The following KDM4B variants were observed in gnomAD, a reference collection of about 807,000 sequenced individuals.
The protein encoded by KDM4B is lysine demethylase 4B.
KDM4B carries 32 observed loss-of-function variants against 125.2 expected under a neutral mutation model. The observed-to-expected ratio is 0.26, with a 90% CI of 0.19 to 0.34. KDM4B has a LOEUF of 0.34. KDM4B is among the 10% of genes least tolerant of loss of function. The probability of loss-of-function intolerance (pLI) is 1.00; values close to 1 mark genes in which losing one functional copy is unlikely to be tolerated. For synonymous variants in KDM4B, 721 were observed against 677.9 expected (o/e 1.06, Z -0.99); for missense variants, 1,190 against 1,577.7 (o/e 0.75, Z 4.16).
chr19:5,010,868 G>A (rs1358842299), intron 1 of KDM4B, among the ~76,000 whole-genome samples: 3 of 152,056 alleles, frequency 2.0e-5, no homozygotes, highest in Admixed American at 6.6e-5. Context: ...GGCTGGTCTC[G>A]AACTCCTGAC....
At chr19:5,011,347 T>A (rs1193857181) in intron 1 of KDM4B, among the ~76,000 whole-genome samples, 1 of 152,216 alleles carries the variant, frequency 6.6e-6, no homozygotes, top group Non-Finnish European at 1.5e-5. Context: ...CCCATGTGTA[T>A]ATGCACACCT....
chr19:5,049,367 G>A (rs1352804306), intron 6 of KDM4B, among the ~76,000 whole-genome samples: 1 of 152,104 alleles, frequency 6.6e-6, no homozygotes, highest in Non-Finnish European at 1.5e-5. Flanking sequence ...ATGACCCGTC[G>A]TGGGAGATGG....
At chr19:5,053,092 G>A (rs2037283967) in intron 6 of KDM4B, among the ~76,000 whole-genome samples, 1 of 152,252 alleles carries the variant, frequency 6.6e-6, no homozygotes, top group Admixed American at 6.5e-5. Context: ...AATGGAAATT[G>A]CCTGGAGCCT....
intron 1 of KDM4B, among the ~76,000 whole-genome samples, chr19:4,988,646 A>G (rs1200948996): frequency 6.6e-6 from 1 of 152,122 alleles, no homozygotes; most frequent in Non-Finnish European, 1.5e-5. Flanking sequence ...ACTTACGTTT[A>G]CCAGCTTATT....
At chr19:5,092,694 C>A (rs1316479165) in intron 9 of KDM4B, among the ~76,000 whole-genome samples, 1 of 152,090 alleles carries the variant, frequency 6.6e-6, no homozygotes, top group Non-Finnish European at 1.5e-5. Context: ...GAGGCAGGAC[C>A]CCCTCGAGGG....
chr19:5,142,721 C>T lies in KDM4B; in HGVS notation c.2551-1246C>T, dbSNP rs539414329. On this transcript the variant is annotated intron_variant, in intron 18 of 22. Transcript: ENST00000159111. The surrounding 1 kb of genome is among the most constrained non-coding windows in gnomAD (Gnocchi z 5.4). Reference sequence around the variant, plus strand: ...TGGCTACTCTGCCGGAGGGGGAGGCCGTGCTGGAGTGATGCCTGGCGCGTG... The same window carrying T: ...TGGCTACTCTGCCGGAGGGGGAGGCTGTGCTGGAGTGATGCCTGGCGCGTG... Among the ~76,000 whole-genome samples, 6 of 152,086 alleles carry T rather than the reference C, an allele frequency of 3.9e-5. No individual in the cohort carries two copies. The highest frequency in any genetic ancestry group is 1.9e-4 in the East Asian group (1 of 5,150).
Position 5,039,989 on chromosome 19 carries a change from C to T in KDM4B, c.295C>T (p.Arg99Cys), listed in dbSNP as rs2036753319. ...QKKAMTVGEY[R>C]RLANSEKYCT... ...GAAGGCCATGACAGTGGGCGAGTAC[C>T]GCCGCCTGGCCAACAGCGAGAAGTA... Residue 99 changes from arginine to cysteine, a missense_variant, in exon 4 of 23, where the codon CGC becomes TGC. Physicochemically the swap from Arg to Cys is radical, Grantham distance 180. This residue lies in a region of KDM4B where 139 missense variants were observed against 248.3 expected (regional missense o/e 0.56). Transcript: ENST00000159111. The T allele has an allele frequency of 2.5e-6, 4 of 1,611,396 alleles. No homozygotes were observed. Among genetic ancestry groups the T allele is most frequent in the Non-Finnish European group, 3.4e-6 (4 of 1,178,866 alleles).
chr19:5,120,737 G>T (rs1380618245), intron 11 of KDM4B, among the ~76,000 whole-genome samples: 1 of 152,136 alleles, frequency 6.6e-6, no homozygotes, highest in Non-Finnish European at 1.5e-5. Context: ...CAAAGTGGCT[G>T]TTCCCAGCTA....
chr19:5,032,284 G>A (rs2036482922), intron 2 of KDM4B, among the ~76,000 whole-genome samples: 1 of 152,228 alleles, frequency 6.6e-6, no homozygotes, highest in African/African-American at 2.4e-5. Context: ...GGGCAGCTAT[G>A]ATGGCAGGAA....
At chr19:5,022,808 G>C (rs1443505814) in intron 2 of KDM4B, among the ~76,000 whole-genome samples, 2 of 152,038 alleles carry the variant, frequency 1.3e-5, no homozygotes, top group Non-Finnish European at 2.9e-5. Flanking sequence ...GGTGTGCCGG[G>C]CAGGAGTGCT....
intron 6 of KDM4B, among the ~76,000 whole-genome samples, chr19:5,055,881 T>G (rs777706698): frequency 2.0e-5 from 3 of 152,178 alleles, no homozygotes; most frequent in Non-Finnish European, 4.4e-5. Context: ...GGTTCCCTGT[T>G]ATGAGCATTC....
At chr19:5,054,494 G>GCA (rs2037334468) in intron 6 of KDM4B, among the ~76,000 whole-genome samples, 1 of 148,832 alleles carries the variant, frequency 6.7e-6, no homozygotes, top group Admixed American at 6.7e-5. Context: ...GTGTGTGCGC[G>GCA]CGCATGCACA....
At chr19:5,061,868 A>C (rs760927114) in intron 6 of KDM4B, among the ~76,000 whole-genome samples, 2 of 149,208 alleles carry the variant, frequency 1.3e-5, no homozygotes, top group African/African-American at 2.4e-5. Flanking sequence ...AAACAACAAC[A>C]AAAAAAAACA....
intron 2 of KDM4B, among the ~76,000 whole-genome samples, chr19:5,019,296 GTGT>G (rs1454356199): frequency 5.3e-5 from 5 of 95,062 alleles, no homozygotes; most frequent in South Asian, 3.3e-4. Context: ...TGGTGTGCAG[GTGT>G]TGGTGTGGGT....
intron 9 of KDM4B, among the ~76,000 whole-genome samples, chr19:5,083,693 C>G (rs2038377384): frequency 6.6e-6 from 1 of 152,244 alleles, no homozygotes; most frequent in Admixed American, 6.5e-5. Flanking sequence ...GAGACAGCCT[C>G]AGCCTCAGCC....
chr19:5,096,746 C>T (rs1281870028), intron 9 of KDM4B, among the ~76,000 whole-genome samples: 1 of 150,986 alleles, frequency 6.6e-6, no homozygotes, highest in East Asian at 2.0e-4. Context: ...CCCGCGGTGC[C>T]CCCGGCGGTG....
chr19:5,065,260 C>T (rs539576674), intron 6 of KDM4B, among the ~76,000 whole-genome samples: 56 of 152,312 alleles, frequency 3.7e-4, no homozygotes, highest in African/African-American at 1.1e-3. Context: ...TGGCCTGGGC[C>T]GTGTGACCCC....
chr19:4,977,744 T>C (rs908710336), intron 1 of KDM4B, among the ~76,000 whole-genome samples: 8 of 152,052 alleles, frequency 5.3e-5, no homozygotes, highest in African/African-American at 1.7e-4. Flanking sequence ...GGGATGGAAA[T>C]GGGCTGTGCC....
chr19:4,998,795 G>A (rs896185784), intron 1 of KDM4B, among the ~76,000 whole-genome samples: 1 of 152,130 alleles, frequency 6.6e-6, no homozygotes, highest in East Asian at 1.9e-4. Flanking sequence ...CGTACAGGCC[G>A]TCATTCTGTT....
Sources: gnomAD v4.1 joint callset for allele counts (sites outside exome capture counted in the v4.1 genomes callset) on GRCh38, gnomAD v4.1.1 for gene constraint, gnomAD v4.1.1 regional missense constraint, Gnocchi (gnomAD v3.1) non-coding constraint, MANE v1.5 for transcripts, NCBI Gene and HGNC (gene_info 2026-07-23, HGNC 2026-07-21) for gene names.